Variants in INSL6 observed in about 807,000 individuals in gnomAD.
INSL6 encodes the protein insulin-like peptide INSL6.
INSL6 carries 16 observed loss-of-function variants against 9.4 expected under a neutral mutation model. The observed-to-expected ratio is 1.70, with a 90% CI of 1.15 to 2.59. The LOEUF is 2.59. Ranked by LOEUF, INSL6 falls within the 30% of genes most tolerant of loss-of-function variation. The pLI is 0.00. For synonymous variants in INSL6, 154 were observed against 96.9 expected, an observed-to-expected ratio of 1.59 and a Z score of -3.46; for missense variants, 391 against 257.3, an observed-to-expected ratio of 1.52 and a Z score of -3.56.
chr9:5,061,967 G>A, the INSL6 span, among the ~76,000 whole-genome samples: 2 of 152,062 alleles, frequency 1.3e-5, no homozygotes, highest in African/African-American at 4.8e-5. Flanking sequence ...CTGAGGAGAG[G>A]GAAAAAGAAA....
the INSL6 span, among the ~76,000 whole-genome samples, chr9:5,087,389 C>A: frequency 6.6e-6 from 1 of 152,320 alleles, no homozygotes; most frequent in South Asian, 2.1e-4. Flanking sequence ...AGTTGCCTCC[C>A]ACCAGGTCCT....
At chr9:5,080,355 C>T in the INSL6 span, 2 of 1,613,068 alleles carry the variant, frequency 1.2e-6, no homozygotes, top group Non-Finnish European at 1.7e-6. Context: ...GGAGATAAAC[C>T]TCTAAGTGCT....
At chr9:5,097,828 A>G in the INSL6 span, 2 of 152,212 alleles carry the variant, frequency 1.3e-5, no homozygotes, top group African/African-American at 2.4e-5. Flanking sequence ...GTTCGCCATC[A>G]TAGGAGGCTT....
At chr9:5,022,552 T>G in the INSL6 span, among the ~76,000 whole-genome samples, 1 of 152,212 alleles carries the variant, frequency 6.6e-6, no homozygotes, top group Admixed American at 6.5e-5. Flanking sequence ...AAGCAAAAAA[T>G]TAATGTTTTG....
At chr9:5,146,701 G>C (rs1048598322) in intron 2 of INSL6, among the ~76,000 whole-genome samples, 1 of 152,218 alleles carries the variant, frequency 6.6e-6, no homozygotes, top group Non-Finnish European at 1.5e-5. Flanking sequence ...CCTGTGTGCT[G>C]GTGGGGCAAG....
chr9:5,063,586 T>C, the INSL6 span, among the ~76,000 whole-genome samples: 2 of 152,208 alleles, frequency 1.3e-5, no homozygotes, highest in East Asian at 1.9e-4. Flanking sequence ...TTTAATGTGA[T>C]TGAGACAAAT....
downstream of INSL6, among the ~76,000 whole-genome samples, chr9:5,121,261 A>C (rs781544623): frequency 1.3e-5 from 2 of 152,202 alleles, no homozygotes; most frequent in East Asian, 3.8e-4. Context: ...AGAGATTTGC[A>C]AAGACAGAAG....
chr9:5,080,630 T>C, the INSL6 span: 3 of 1,607,244 alleles, frequency 1.9e-6, no homozygotes, highest in Non-Finnish European at 2.5e-6. Flanking sequence ...GAACCAGATT[T>C]CAGGCCTTCT....
chr9:5,155,830 T>C (rs549797390), intron 2 of INSL6, among the ~76,000 whole-genome samples: 3 of 150,814 alleles, frequency 2.0e-5, no homozygotes, highest in African/African-American at 7.3e-5. Flanking sequence ...ATGATGGGTT[T>C]ATGGGTGCAG....
At chr9:5,177,821 C>G (rs1825345537) in intron 1 of INSL6, among the ~76,000 whole-genome samples, 1 of 152,100 alleles carries the variant, frequency 6.6e-6, no homozygotes. Context: ...AGGAAGGTAC[C>G]CCACAACACA....
the INSL6 span, chr9:5,054,896 T>C: frequency 6.5e-7 from 1 of 1,533,058 alleles, no homozygotes; most frequent in South Asian, 1.2e-5. This position sits in a 1 kb window ranked among gnomAD's most constrained non-coding sequence, Gnocchi z 4.9. Flanking sequence ...TAATCCTTAA[T>C]GATATGTTCT....
chr9:5,068,963 A>T, the INSL6 span: 2 of 945,004 alleles, frequency 2.1e-6, no homozygotes, highest in African/African-American at 1.7e-5. Context: ...TTGTCAGAAT[A>T]ATCACTGTGA....
At chr9:5,028,328 C>A in the INSL6 span, among the ~76,000 whole-genome samples, 1 of 152,134 alleles carries the variant, frequency 6.6e-6, no homozygotes, top group Non-Finnish European at 1.5e-5. Flanking sequence ...TAGGTCTCAA[C>A]GGTGGCTTAA....
the INSL6 span, among the ~76,000 whole-genome samples, chr9:5,113,335 T>G: frequency 6.8e-6 from 1 of 148,138 alleles, no homozygotes; most frequent in Non-Finnish European, 1.5e-5. Context: ...GGAGATGCTG[T>G]GGAAACTTGG....
intron 1 of INSL6, among the ~76,000 whole-genome samples, chr9:5,181,095 T>G (rs185118459): frequency 5.9e-5 from 9 of 152,178 alleles, no homozygotes; most frequent in African/African-American, 2.2e-4. Flanking sequence ...AGAACCTACA[T>G]TGAAATATTG....
At chr9:4,997,412 A>G in the INSL6 span, among the ~76,000 whole-genome samples, 1 of 152,192 alleles carries the variant, frequency 6.6e-6, no homozygotes, top group Non-Finnish European at 1.5e-5. Context: ...GGGAGCAGGA[A>G]TATCACATTT....
chr9:4,998,500 C>T, the INSL6 span, among the ~76,000 whole-genome samples: 1 of 152,154 alleles, frequency 6.6e-6, no homozygotes, highest in Non-Finnish European at 1.5e-5. Context: ...CGTGATCCGC[C>T]CGCCTTGGCC....
chr9:5,114,198 CT>C, the INSL6 span: 1 of 477,784 alleles, frequency 2.1e-6, no homozygotes, highest in African/African-American at 2.0e-5. Flanking sequence ...GAGCACCTAC[CT>C]GAGCCGGTCC....
chr9:5,069,731 G>A, the INSL6 span, among the ~76,000 whole-genome samples: 3 of 152,082 alleles, frequency 2.0e-5, no homozygotes, highest in Admixed American at 1.3e-4. Context: ...AATTTTGAAT[G>A]TATGAAGTAA....
Sources: gnomAD v4.1 joint callset for allele counts (sites outside exome capture counted in the v4.1 genomes callset) on GRCh38, gnomAD v4.1.1 for gene constraint, Gnocchi (gnomAD v3.1) non-coding constraint, MANE v1.5 for transcripts, NCBI Gene and HGNC (gene_info 2026-07-23, HGNC 2026-07-21) for gene names.